The following TRHDE variants were observed in gnomAD, a reference collection of about 807,000 sequenced individuals.
TRHDE encodes the protein thyrotropin-releasing hormone-degrading ectoenzyme.
In TRHDE, 72 loss-of-function variants were observed where a neutral mutation model predicts 125.7. That is an observed-to-expected ratio of 0.57 (90% CI 0.47 to 0.70). The LOEUF (loss-of-function observed/expected upper bound fraction) is 0.70. Among genes scored for constraint, TRHDE ranks in the 30% least tolerant of loss-of-function variants. TRHDE has a pLI of 0.00. For missense variants in TRHDE, 1,110 were observed against 1,327.1 expected, an observed-to-expected ratio of 0.84 and a Z score of 2.54; for synonymous variants, 509 against 509.1, an observed-to-expected ratio of 1.00 and a Z score of 0.00.
rs538135294 is a variant in TRHDE, at chr12:72,569,843, C to A, written c.2131+1187C>A. ...AATTGTTTATTATAATCTATTCTTT[C>A]AATTACTGGAATTAGTATTTATATT... On this transcript the variant is annotated intron_variant, in intron 10 of 18. Transcript: ENST00000261180. Among the ~76,000 whole-genome samples, 3 of 152,110 alleles carry A rather than the reference C, an allele frequency of 2.0e-5. No individual in the cohort carries two copies. In the South Asian group the frequency reaches 6.2e-4, roughly 32 times the overall value.
At chr12:72,631,246 A>T (rs1171818305) in intron 15 of TRHDE, among the ~76,000 whole-genome samples, 1 of 151,802 alleles carries the variant, frequency 6.6e-6, no homozygotes, top group Admixed American at 6.6e-5. Context: ...TCACAAAATA[A>T]TAAACCATGT....
At chr12:72,162,979 T>A (rs1876668597) in intron 2 of TRHDE, 1 of 151,748 alleles carries the variant, frequency 6.6e-6, no homozygotes, top group South Asian at 2.1e-4. Context: ...TTCTTAGCTC[T>A]AGGAACTGTC....
At chr12:72,346,453 G>C (rs1688476177) in intron 2 of TRHDE, among the ~76,000 whole-genome samples, 1 of 141,738 alleles carries the variant, frequency 7.1e-6, no homozygotes, top group Non-Finnish European at 1.5e-5. Flanking sequence ...TGTTGGGTCT[G>C]TCTGCCCATG....
chr12:72,327,439 TTA>T (rs1176402926), intron 2 of TRHDE, among the ~76,000 whole-genome samples: 1 of 152,146 alleles, frequency 6.6e-6, no homozygotes, highest in African/African-American at 2.4e-5. Flanking sequence ...AGAATTTAGG[TTA>T]TGTTTATGAT....
intron 2 of TRHDE, among the ~76,000 whole-genome samples, chr12:72,172,761 G>T (rs1876901181): frequency 6.6e-6 from 1 of 152,224 alleles, no homozygotes. Context: ...TTCATGAGAA[G>T]TTGGTTCCAA....
chr12:72,420,137 T>C (rs1008154969), intron 3 of TRHDE, among the ~76,000 whole-genome samples: 6 of 152,196 alleles, frequency 3.9e-5, no homozygotes, highest in Admixed American at 3.9e-4. Context: ...CTACAGCTAG[T>C]ATGAAACACC....
intron 3 of TRHDE, among the ~76,000 whole-genome samples, chr12:72,402,926 T>A (rs1873105484): frequency 6.6e-6 from 1 of 152,212 alleles, no homozygotes; most frequent in Admixed American, 6.5e-5. Flanking sequence ...AGCTGATGAC[T>A]ACTTCCTCAC....
At chr12:72,551,282 T>C (rs1416499513) in intron 7 of TRHDE, among the ~76,000 whole-genome samples, 2 of 152,234 alleles carry the variant, frequency 1.3e-5, no homozygotes, top group East Asian at 3.9e-4. Flanking sequence ...TGTATTTTTG[T>C]TTATGGAAGA....
At chr12:72,576,015 A>G (rs1220183216) in intron 12 of TRHDE, among the ~76,000 whole-genome samples, 1 of 152,130 alleles carries the variant, frequency 6.6e-6, no homozygotes, top group African/African-American at 2.4e-5. Context: ...ATATATATCA[A>G]TCTTGTAGAA....
intron 3 of TRHDE, among the ~76,000 whole-genome samples, chr12:72,465,582 C>T (rs1249503144): frequency 1.3e-5 from 2 of 152,038 alleles, no homozygotes; most frequent in East Asian, 3.9e-4. Flanking sequence ...TATTTTGTTG[C>T]ATGGATATAC....
chr12:72,444,904 C>T (rs978813919), intron 3 of TRHDE, among the ~76,000 whole-genome samples: 3 of 151,800 alleles, frequency 2.0e-5, no homozygotes, highest in Non-Finnish European at 4.4e-5. Flanking sequence ...AGTACTGTAG[C>T]AGAGTAGTAA....
intron 15 of TRHDE, among the ~76,000 whole-genome samples, chr12:72,634,881 T>G (rs1000035854): frequency 2.0e-5 from 3 of 152,056 alleles, no homozygotes; most frequent in Non-Finnish European, 4.4e-5. Context: ...TGTGCCACAT[T>G]TTCTTAATCC....
At chr12:72,271,844 G>T, upstream of TRHDE, 1 of 448,616 alleles carries the variant, frequency 2.2e-6, no homozygotes, top group South Asian at 1.6e-5. Context: ...GGCCCGGCCG[G>T]ACACTTCTTT....
At chr12:72,362,829 C>G (rs1359641952) in intron 2 of TRHDE, among the ~76,000 whole-genome samples, 14 of 152,032 alleles carry the variant, frequency 9.2e-5, no homozygotes, top group Admixed American at 9.2e-4. Flanking sequence ...GAATCCTTTC[C>G]CCATTGCTTG....
At position 72,272,738 on chromosome 12, in the gene TRHDE, A is replaced by AGGG. The variant is rs1182463017; in HGVS notation, c.97_98insGGG (p.Glu32_Glu33insGly). The stretch of plus-strand genomic sequence containing the variant: ...AAGAAGAAGGAGGAGGAGGAGGAGG[A>AGGG]GGAGGGGGCCGAGAAGAGCAGCTCA... On this transcript the variant is annotated inframe_insertion, in exon 1 of 19. Coordinates refer to ENST00000261180, the MANE Select transcript of TRHDE (RefSeq NM_013381.3). The surrounding 1 kb of genome is among the most constrained non-coding windows in gnomAD (Gnocchi z 6.7). The AGGG allele has an allele frequency of 2.0e-6, 3 of 1,488,376 alleles. No homozygotes were observed. The highest frequency in any genetic ancestry group is 4.2e-5 in the Admixed American group (2 of 47,936). The allele number at this position is 1,488,376 out of a possible 1,614,324, so 92.2% of individuals were successfully genotyped here.
intron 15 of TRHDE, among the ~76,000 whole-genome samples, chr12:72,624,304 TTTTA>T (rs1307676660): frequency 2.0e-5 from 3 of 151,974 alleles, no homozygotes; most frequent in South Asian, 2.1e-4. Flanking sequence ...TTTGTTTGCT[TTTTA>T]TTTGTTTAAC....
intron 17 of TRHDE, among the ~76,000 whole-genome samples, chr12:72,653,857 C>A (rs11179306): frequency 0.067 from 10,237 of 152,124 alleles, 401 homozygotes; most frequent in Middle Eastern, 0.11. Flanking sequence ...AGACAGTAAG[C>A]AGACTTACTG....
chr12:72,621,913 G>A (rs564812081), intron 15 of TRHDE, among the ~76,000 whole-genome samples, 162 bp downstream of exon 15: 29 of 152,236 alleles, frequency 1.9e-4, no homozygotes, highest in Middle Eastern at 3.4e-3. Context: ...GCAATAGTGT[G>A]AAAGTCACAA....
In TRHDE at chr12:72,203,484, A is replaced by G. The variant is rs939950702; in HGVS notation, n.279+97732A>G. On this transcript the variant is annotated intron_variant and non_coding_transcript_variant, in intron 2 of 4. Coordinates refer to the TRHDE transcript ENST00000548156. ...CTCTGTCTCAAAAAAAATAAAAAAT[A>G]AAAAAAAAGAGAATGGTCTAATGGT... Among the ~76,000 whole-genome samples the G allele has an allele frequency of 3.3e-5, 5 of 151,352 alleles. 2 individuals are homozygous for G. Among genetic ancestry groups the G allele is most frequent in the Admixed American group, 3.3e-4 (5 of 15,150 alleles).
Sources: allele counts gnomAD v4.1 joint callset (sites outside exome capture counted in the v4.1 genomes callset), GRCh38; gene constraint gnomAD v4.1.1; non-coding constraint Gnocchi (gnomAD v3.1); transcripts MANE v1.5; gene names NCBI Gene and HGNC (gene_info 2026-07-23, HGNC 2026-07-21).